Variants in KHDC1 observed in about 807,000 individuals in gnomAD.
The protein encoded by KHDC1 is KH homology domain-containing protein 1.
Under a neutral mutation model 24.7 loss-of-function variants are expected in KHDC1, and 21 were observed. The observed-to-expected ratio is 0.85, with a 90% CI of 0.60 to 1.23. The LOEUF is 1.23. Among genes scored for constraint, KHDC1 ranks in the 50% most tolerant of loss-of-function variants. The probability of loss-of-function intolerance (pLI) is 0.00; values close to 1 mark genes in which losing one functional copy is unlikely to be tolerated. For synonymous variants in KHDC1, 98 were observed against 111.7 expected, an observed-to-expected ratio of 0.88 and a Z score of 0.77; for missense variants, 274 against 298.5, an observed-to-expected ratio of 0.92 and a Z score of 0.61.
chr6:73,261,820 G>A (rs796962219), intron 2 of KHDC1, among the ~76,000 whole-genome samples: 37 of 151,622 alleles, frequency 2.4e-4, no homozygotes, highest in African/African-American at 8.7e-4. Flanking sequence ...GCTGAGGCAG[G>A]AGAATCACTT....
intron 2 of KHDC1, among the ~76,000 whole-genome samples, chr6:73,281,104 G>C (rs1196836466): frequency 1.3e-5 from 2 of 152,034 alleles, no homozygotes; most frequent in Non-Finnish European, 2.9e-5. Flanking sequence ...AGCACTTTGG[G>C]AGGCCAAGGC....
chr6:73,289,333 CAAAAAAAAAAAAAA>C (rs60179008), intron 2 of KHDC1, among the ~76,000 whole-genome samples: 15 of 62,638 alleles, frequency 2.4e-4, no homozygotes, highest in African/African-American at 4.6e-4. Flanking sequence ...GACTCCATCT[CAAAAAAAAAAAAAA>C]AAAAAAAAAA....
chr6:73,289,839 G>A (rs1222381313), intron 2 of KHDC1, among the ~76,000 whole-genome samples: 3 of 150,582 alleles, frequency 2.0e-5, no homozygotes, highest in Admixed American at 6.6e-5. Flanking sequence ...GGTGGCTCAC[G>A]CCTGTAATCC....
At chr6:73,282,534 A>G (rs976688934) in intron 2 of KHDC1, among the ~76,000 whole-genome samples, 3 of 152,128 alleles carry the variant, frequency 2.0e-5, no homozygotes, top group Non-Finnish European at 4.4e-5. Context: ...TTGCCTGGGG[A>G]CTAGACTCCC....
chr6:73,307,700 G>A (rs1393514629), intron 1 of KHDC1, among the ~76,000 whole-genome samples: 3 of 152,076 alleles, frequency 2.0e-5, no homozygotes, highest in Admixed American at 1.3e-4. Context: ...ATGAAGAACC[G>A]TGCAACCGCC....
intron 1 of KHDC1, chr6:73,292,094 CT>C (rs1409495972): frequency 1.2e-6 from 2 of 1,607,840 alleles, no homozygotes; most frequent in African/African-American, 2.7e-5. Flanking sequence ...ATTGGACCTT[CT>C]TAGTGATGCC....
chr6:73,253,044 G>C (rs993437494), intron 2 of KHDC1, among the ~76,000 whole-genome samples: 5 of 151,890 alleles, frequency 3.3e-5, no homozygotes, highest in African/African-American at 1.2e-4. Flanking sequence ...GCATGAAAAA[G>C]GCTTAGTCCT....
At chr6:73,301,320 T>A (rs1767871482) in intron 1 of KHDC1, 1 of 152,204 alleles carries the variant, frequency 6.6e-6, no homozygotes, top group Non-Finnish European at 1.5e-5. Flanking sequence ...TATTTACAAT[T>A]TTGTTAGTAT....
intron 1 of KHDC1, among the ~76,000 whole-genome samples, chr6:73,298,484 G>A (rs1404962570): frequency 8.1e-6 from 1 of 123,926 alleles, no homozygotes; most frequent in Non-Finnish European, 1.6e-5. Context: ...CACCCAGGCT[G>A]GAGTGCAGTG....
chr6:73,303,577 C>T (rs1177436483), intron 1 of KHDC1, among the ~76,000 whole-genome samples: 1 of 152,176 alleles, frequency 6.6e-6, no homozygotes, highest in Non-Finnish European at 1.5e-5. Flanking sequence ...TCCTGAAATA[C>T]GATGCACTGA....
At chr6:73,265,528 CAAAAAAAAAAAAAAA>C (rs70994179) in intron 2 of KHDC1, among the ~76,000 whole-genome samples, 1 of 74,502 alleles carries the variant, frequency 1.3e-5, no homozygotes, top group Non-Finnish European at 2.6e-5. Context: ...GACTCCGTCT[CAAAAAAAAAAAAAAA>C]AAAAAAAAAG....
Position 73,302,805 on chromosome 6 carries a change from G to A in KHDC1, c.163+6747C>T, listed in dbSNP as rs369343355. 1.2e-3 allele frequency among the ~76,000 whole-genome samples: 178 copies of A among 152,260 alleles called. 3 individuals are homozygous for A. The South Asian group carries it at 0.034, about 29-fold the overall frequency. On this transcript the variant is annotated intron_variant, in intron 1 of 4. Transcript: ENST00000370384. ...AAAAGATGGAAATCTGGCCGGGCGC[G>A]GTGGCTCATGCCTGTAATCCCAGCA...
At chr6:73,307,192 G>A (rs1246020024) in intron 1 of KHDC1, among the ~76,000 whole-genome samples, 1 of 152,064 alleles carries the variant, frequency 6.6e-6, no homozygotes, top group East Asian at 1.9e-4. Flanking sequence ...GCACCCAGGA[G>A]GCTGAGGCGG....
intron 2 of KHDC1, among the ~76,000 whole-genome samples, chr6:73,280,556 T>TG (rs1767384739): frequency 1.3e-5 from 2 of 151,182 alleles, no homozygotes; most frequent in South Asian, 4.2e-4. Flanking sequence ...TTTTCACTCT[T>TG]GTTGCCCAGG....
exon 1 of KHDC1, chr6:73,309,565 G>A (rs1164402337): frequency 6.6e-7 from 1 of 1,523,706 alleles, no homozygotes; most frequent in Admixed American, 2.3e-5. Context: ...GATTTCTGCG[G>A]ATCCAAAGGT....
At chr6:73,269,206 C>G (rs1191999906) in intron 2 of KHDC1, 1 of 153,286 alleles carries the variant, frequency 6.5e-6, no homozygotes, top group African/African-American at 2.4e-5. Flanking sequence ...GGAACTCCAG[C>G]TGGCCTGCAA....
chr6:73,266,777 A>T (rs1377102810), intron 2 of KHDC1, among the ~76,000 whole-genome samples: 1 of 152,224 alleles, frequency 6.6e-6, no homozygotes, highest in Non-Finnish European at 1.5e-5. Flanking sequence ...CAAAATTATA[A>T]ACTTTTGTGC....
At chr6:73,302,955 T>C (rs1034725872) in intron 1 of KHDC1, among the ~76,000 whole-genome samples, 3 of 152,166 alleles carry the variant, frequency 2.0e-5, no homozygotes, top group African/African-American at 7.2e-5. Flanking sequence ...CGCACGCCTG[T>C]AATCCCAGCT....
chr6:73,277,291 C>T (rs1040669789), intron 2 of KHDC1, among the ~76,000 whole-genome samples: 3 of 152,042 alleles, frequency 2.0e-5, no homozygotes, highest in South Asian at 2.1e-4. Flanking sequence ...ATGGTGAAAC[C>T]CCATCTCTAC....
Sources: gnomAD v4.1 joint callset for allele counts (sites outside exome capture counted in the v4.1 genomes callset) on GRCh38, gnomAD v4.1.1 for gene constraint, MANE v1.5 for transcripts, NCBI Gene and HGNC (gene_info 2026-07-23, HGNC 2026-07-21) for gene names.